Variants in PRKN observed in about 807,000 individuals in gnomAD.
PRKN encodes the protein parkin RBR E3 ubiquitin protein ligase.
PRKN carries 56 observed loss-of-function variants against 59.5 expected under a neutral mutation model. The ratio of observed to expected loss-of-function variants is 0.94; its 90% CI spans 0.76 to 1.18. The LOEUF is 1.18. Among genes scored for constraint, PRKN ranks in the 50% most tolerant of loss-of-function variants. The pLI is 0.00. For synonymous variants in PRKN, 250 were observed against 222.1 expected (o/e 1.13, Z -1.12); for missense variants, 657 against 596.4 (o/e 1.10, Z -1.06).
intron 4 of PRKN, among the ~76,000 whole-genome samples, chr6:162,074,750 G>A (rs910144019): frequency 7.2e-5 from 11 of 152,036 alleles, no homozygotes; most frequent in African/African-American, 1.9e-4. Context: ...ATTACTTACC[G>A]AGTCCCTCCA....
At chr6:162,699,759 C>A (rs996275953) in intron 1 of PRKN, among the ~76,000 whole-genome samples, 2 of 152,012 alleles carry the variant, frequency 1.3e-5, no homozygotes, top group African/African-American at 4.8e-5. Context: ...TCTCTGTGAC[C>A]TTCCTCTCCC....
In PRKN at chr6:161,592,583, A is replaced by T. The variant is rs1583270643; in HGVS notation, c.872-23167T>A. ...CACAGTTCCTATGCTCAGGGGATTT[A>T]CACTCCACTAGATGATACTTAAGTA... On this transcript the variant is annotated intron_variant, in intron 7 of 11. Transcript: ENST00000366898. The surrounding 1 kb of genome is among the most constrained non-coding windows in gnomAD (Gnocchi z 4.8). 6.6e-6 allele frequency among the ~76,000 whole-genome samples: 1 copy of T among 152,194 alleles called. No homozygotes were observed. The highest frequency in any genetic ancestry group is 1.9e-4 in the East Asian group (1 of 5,188).
Position 162,719,894 on chromosome 6 carries a change from CAAAAAAAAAAAA to C in PRKN, c.7+7756_7+7767del, listed in dbSNP as rs56395129. Reference sequence around the variant, plus strand: ...GAAAAGAGGGAGTGCAGGTAGATGTCAAAAAAAAAAAAAAAAAAAAAAAAACTAAAGGTTGAC... The same window carrying C: ...GAAAAGAGGGAGTGCAGGTAGATGTCAAAAAAAAAAAAACTAAAGGTTGAC... On this transcript the variant is annotated intron_variant, in intron 1 of 11. Transcript: ENST00000366898. Among the ~76,000 whole-genome samples the C allele has an allele frequency of 8.2e-3, 1,183 of 143,590 alleles. 5 individuals carry two copies. The highest frequency in any genetic ancestry group is 0.016 in the African/African-American group (636 of 39,726). The allele number at this position is 143,590 out of a possible 152,430, so 94.2% of individuals were successfully genotyped here.
intron 6 of PRKN, among the ~76,000 whole-genome samples, chr6:161,883,710 T>G (rs1421023502): frequency 2.6e-5 from 4 of 152,068 alleles, no homozygotes; most frequent in Non-Finnish European, 5.9e-5. Flanking sequence ...AGCGCAGTGG[T>G]GAGAACTCAG....
chr6:162,207,345 C>T (rs181541140), intron 3 of PRKN, among the ~76,000 whole-genome samples: 4 of 152,154 alleles, frequency 2.6e-5, no homozygotes, highest in Non-Finnish European at 5.9e-5. Flanking sequence ...GCACTCCAGC[C>T]TGGGTGACAG....
intron 3 of PRKN, among the ~76,000 whole-genome samples, chr6:162,216,996 C>T (rs572361359): frequency 1.3e-5 from 2 of 152,262 alleles, no homozygotes; most frequent in South Asian, 4.1e-4. Context: ...CTTAGTTCTA[C>T]TTTAATACTT....
rs34662241 is a variant in PRKN, at chr6:162,412,022, A to AT, written c.171+31287dup. On this transcript the variant is annotated intron_variant, in intron 2 of 11. Coordinates refer to ENST00000366898, the MANE Select transcript of PRKN (RefSeq NM_004562.3). ...ATTTCTTTGGTCACAGCTGAGAGGC[A>AT]TTTTTTTTTTTCTGATCTGGAAAAC... Among the ~76,000 whole-genome samples the AT allele has an allele frequency of 7.1e-3, 1,061 of 149,294 alleles. 10 individuals are homozygous for AT. Among genetic ancestry groups the AT allele is most frequent in the East Asian group, 0.018 (91 of 5,092 alleles).
At chr6:162,409,096 T>C (rs1788218523) in intron 2 of PRKN, among the ~76,000 whole-genome samples, 2 of 152,104 alleles carry the variant, frequency 1.3e-5, no homozygotes, top group Admixed American at 6.6e-5. Context: ...GTAATGTGCA[T>C]CTGCTTTTGT....
intron 7 of PRKN, among the ~76,000 whole-genome samples, chr6:161,646,562 C>G (rs1260884422): frequency 2.2e-5 from 3 of 139,314 alleles, no homozygotes; most frequent in East Asian, 2.1e-4. Context: ...GGTGGCGTGT[C>G]AGTGAGAGTG....
At chr6:162,252,204 A>G (rs894153984) in intron 3 of PRKN, among the ~76,000 whole-genome samples, 1 of 152,222 alleles carries the variant, frequency 6.6e-6, no homozygotes, top group Admixed American at 6.5e-5. Flanking sequence ...GAAATAACCA[A>G]TGTAGCTGTT....
intron 6 of PRKN, among the ~76,000 whole-genome samples, chr6:161,927,146 T>C (rs1437805600): frequency 1.3e-5 from 2 of 152,176 alleles, no homozygotes; most frequent in African/African-American, 4.8e-5. Context: ...AGTTTGCCAA[T>C]GATAGTTTGT....
intron 1 of PRKN, among the ~76,000 whole-genome samples, chr6:162,582,448 C>T (rs1268504171): frequency 1.3e-5 from 2 of 152,100 alleles, no homozygotes; most frequent in Non-Finnish European, 2.9e-5. Context: ...GATTATGGTG[C>T]CTGCATTTTT....
At chr6:162,361,446 C>G (rs1297114754) in intron 2 of PRKN, among the ~76,000 whole-genome samples, 2 of 152,078 alleles carry the variant, frequency 1.3e-5, no homozygotes, top group Non-Finnish European at 2.9e-5. Context: ...GAGAACACAG[C>G]AAGAAGGCAT....
At chr6:161,833,514 T>TC (rs1159910527) in intron 6 of PRKN, among the ~76,000 whole-genome samples, 7 of 152,232 alleles carry the variant, frequency 4.6e-5, no homozygotes, top group South Asian at 4.2e-4. Context: ...CATTTTTTTT[T>TC]CCCTGGGCTG....
At chr6:161,392,773 A>AC (rs1017027937) in intron 9 of PRKN, among the ~76,000 whole-genome samples, 2 of 150,486 alleles carry the variant, frequency 1.3e-5, no homozygotes, top group African/African-American at 4.9e-5. Flanking sequence ...GTATAGAATA[A>AC]AAAAAAAAAG....
rs969148251 is a variant in PRKN at position 161,470,024 on chromosome 6, A to T, written c.1083+78830T>A. Among the ~76,000 whole-genome samples, 3 of 152,222 alleles carry T rather than the reference A, an allele frequency of 2.0e-5. No homozygotes were observed. The highest frequency in any genetic ancestry group is 7.2e-5 in the African/African-American group (3 of 41,466). ...GGCATTGCTAGGCTGAACATCCAACATACATAGTTTCCTTCAATTCACCAA... is the reference window on the plus strand; with the variant it reads ...GGCATTGCTAGGCTGAACATCCAACTTACATAGTTTCCTTCAATTCACCAA... On this transcript the variant is annotated intron_variant, in intron 9 of 11. Transcript: ENST00000366898. The surrounding 1 kb of genome is among the most constrained non-coding windows in gnomAD (Gnocchi z 5.1).
chr6:161,819,662 T>C (rs1175923399), intron 6 of PRKN, among the ~76,000 whole-genome samples: 1 of 152,068 alleles, frequency 6.6e-6, no homozygotes, highest in East Asian at 1.9e-4. Context: ...GAAATTCCAC[T>C]CTACTCTAAG....
intron 3 of PRKN, among the ~76,000 whole-genome samples, chr6:162,236,427 C>T (rs1778718467): frequency 6.6e-6 from 1 of 152,092 alleles, no homozygotes; most frequent in South Asian, 2.1e-4. Context: ...TTTACTATCC[C>T]ATATGTCTTT....
At chr6:162,238,940 G>T (rs993591790) in intron 3 of PRKN, among the ~76,000 whole-genome samples, 1 of 152,092 alleles carries the variant, frequency 6.6e-6, no homozygotes, top group African/African-American at 2.4e-5. Flanking sequence ...GTGACAGAAG[G>T]GTTTACTTAC....
Sources: gnomAD v4.1 joint callset for allele counts (sites outside exome capture counted in the v4.1 genomes callset) on GRCh38, gnomAD v4.1.1 for gene constraint, Gnocchi (gnomAD v3.1) non-coding constraint, MANE v1.5 for transcripts, NCBI Gene and HGNC (gene_info 2026-07-23, HGNC 2026-07-21) for gene names.